The following ARRDC5 variants were observed in gnomAD, a reference collection of about 807,000 sequenced individuals.
The protein encoded by ARRDC5 is arrestin domain-containing protein 5.
In ARRDC5, 12 loss-of-function variants were observed where a neutral mutation model predicts 13.3. The observed-to-expected ratio is 0.90, with a 90% confidence interval of 0.58 to 1.46. The LOEUF (loss-of-function observed/expected upper bound fraction) is 1.46, where lower values mean the gene tolerates loss of function less well. Among genes scored for constraint, ARRDC5 ranks in the 40% most tolerant of loss-of-function variants. ARRDC5 has a pLI of 0.00. For synonymous variants in ARRDC5, 181 were observed against 173.4 expected, an observed-to-expected ratio of 1.04 and a Z score of -0.34; for missense variants, 406 against 418.7, an observed-to-expected ratio of 0.97 and a Z score of 0.26.
chr19:4,897,409 G>T (rs892493242), intron 1 of ARRDC5, among the ~76,000 whole-genome samples: 1 of 152,114 alleles, frequency 6.6e-6, no homozygotes, highest in African/African-American at 2.4e-5. Context: ...GCCCTGGGGT[G>T]GGTGACATGC....
At chr19:4,916,088 G>A in the ARRDC5 span, among the ~76,000 whole-genome samples, 2 of 152,002 alleles carry the variant, frequency 1.3e-5, no homozygotes, top group African/African-American at 2.4e-5. Context: ...GGCGAGGATC[G>A]CTTGAGGTTG....
chr19:4,898,740 C>T (rs1457001836), intron 1 of ARRDC5, among the ~76,000 whole-genome samples: 1 of 146,914 alleles, frequency 6.8e-6, no homozygotes, highest in Non-Finnish European at 1.5e-5. Flanking sequence ...GATCCTCTTG[C>T]CTCAGCGCCC....
At chr19:4,909,240 T>C in the ARRDC5 span, 77 of 514,572 alleles carry the variant, frequency 1.5e-4, no homozygotes, top group Middle Eastern at 2.0e-3. Flanking sequence ...CCAAGGCTCC[T>C]GGGGTGTCCA....
chr19:4,907,704 C>CTTT (rs59867968), upstream of ARRDC5, among the ~76,000 whole-genome samples: 8 of 47,702 alleles, frequency 1.7e-4, no homozygotes, highest in Non-Finnish European at 2.5e-4. Context: ...TTGGCCTGAT[C>CTTT]TTTTTTTTTT....
upstream of ARRDC5, among the ~76,000 whole-genome samples, chr19:4,904,110 G>A (rs2032009912): frequency 6.6e-6 from 1 of 152,084 alleles, no homozygotes; most frequent in African/African-American, 2.4e-5. Context: ...CCAAGTAGCT[G>A]GGATTACGGG....
intron 1 of ARRDC5, among the ~76,000 whole-genome samples, chr19:4,898,436 A>C (rs559637151): frequency 6.6e-6 from 1 of 152,086 alleles, no homozygotes; most frequent in Non-Finnish European, 1.5e-5. Flanking sequence ...ATCCTGGCTC[A>C]CTGCAACCTC....
intron 1 of ARRDC5, among the ~76,000 whole-genome samples, chr19:4,900,849 G>A (rs576823200): frequency 7.9e-5 from 12 of 152,156 alleles, no homozygotes; most frequent in South Asian, 6.2e-4. Flanking sequence ...GAGAAACTCC[G>A]TCTCTACTAA....
At chr19:4,900,234 G>A (rs1010199178) in intron 1 of ARRDC5, among the ~76,000 whole-genome samples, 1 of 133,680 alleles carries the variant, frequency 7.5e-6, no homozygotes, top group Admixed American at 8.5e-5. Flanking sequence ...CGCAAGCTCC[G>A]CCTCCCGGGT....
Position 4,891,097 on chromosome 19 carries a change from G to A in ARRDC5, c.936C>T (p.Cys312=), listed in dbSNP as rs367940039. 2 of 1,613,850 alleles carry A rather than the reference G, an allele frequency of 1.2e-6. No homozygotes were observed. The highest frequency in any genetic ancestry group is 3.3e-5 in the Admixed American group (2 of 59,992). The change falls in exon 3 of 3, where the codon TGC becomes TGT. Residue 312 remains cysteine, a synonymous_variant. Coordinates refer to ENST00000650722, the MANE Select transcript of ARRDC5 (RefSeq NM_001080523.3). ...GTAACACTCCGTCCTCTGACAGCTG[G>A]CAGATGGCAGAGTCCACTGAGGCGC... ...ITSASVDSAI[C]QLSEDGVLPV...
At chr19:4,897,426 T>C (rs2146251883) in intron 1 of ARRDC5, among the ~76,000 whole-genome samples, 1 of 151,400 alleles carries the variant, frequency 6.6e-6, no homozygotes. Flanking sequence ...ATGCCTGGAG[T>C]TGTCACCCGA....
chr19:4,892,527 C>A (rs1050307756), intron 2 of ARRDC5, among the ~76,000 whole-genome samples: 1 of 150,882 alleles, frequency 6.6e-6, no homozygotes, highest in African/African-American at 2.4e-5. Context: ...CCACCACACC[C>A]CAGCTTTTTT....
intron 2 of ARRDC5, 105 bp downstream of exon 2, chr19:4,896,566 T>A: frequency 1.2e-6 from 1 of 830,880 alleles, no homozygotes; most frequent in Non-Finnish European, 2.0e-6. Flanking sequence ...CCAACACCCT[T>A]CCCTTCTCCC....
At chr19:4,911,915 G>A in the ARRDC5 span, among the ~76,000 whole-genome samples, 2 of 152,154 alleles carry the variant, frequency 1.3e-5, no homozygotes, top group African/African-American at 2.4e-5. Flanking sequence ...GTTGAGCTGC[G>A]TGTACCCCAC....
In ARRDC5 at chr19:4,891,522, G is replaced by A; in HGVS notation, c.511C>T (p.Gln171Ter). Residue 171 changes from glutamine to a stop codon, truncating the protein, a stop_gained, in exon 3 of 3, where the codon CAG (glutamine) becomes TAG (stop). Transcript: ENST00000650722. LOFTEE classifies it low-confidence loss of function (END_TRUNC). Reference sequence around the variant, plus strand: ...TGGATTTGCAAACAGACAGTGCCCTGGCGGCAGCAGTTGTAGGAGACTTTC... The same window carrying A: ...TGGATTTGCAAACAGACAGTGCCCTAGCGGCAGCAGTTGTAGGAGACTTTC... Reference protein sequence around the residue: ...EEKVSYNCCRQGTVCLQIQME... With the variant: ...EEKVSYNCCR The A allele has an allele frequency of 6.2e-7, 1 of 1,613,856 alleles. No homozygotes were observed.
upstream of ARRDC5, among the ~76,000 whole-genome samples, chr19:4,907,776 G>A (rs1244855074): frequency 1.6e-5 from 2 of 128,438 alleles, no homozygotes; most frequent in African/African-American, 3.1e-5. Flanking sequence ...GCAATGGCGC[G>A]ATCTTGGCTC....
chr19:4,916,095 G>A, the ARRDC5 span, among the ~76,000 whole-genome samples: 1 of 151,968 alleles, frequency 6.6e-6, no homozygotes, highest in Admixed American at 6.6e-5. Flanking sequence ...ATCGCTTGAG[G>A]TTGGGAGTTT....
intron 1 of ARRDC5, among the ~76,000 whole-genome samples, chr19:4,898,657 G>A (rs2031811135): frequency 9.6e-6 from 1 of 104,188 alleles, no homozygotes; most frequent in African/African-American, 3.1e-5. Context: ...CCATCAGGCG[G>A]GCTTGGCCTT....
the ARRDC5 span, chr19:4,909,282 G>A: frequency 3.8e-6 from 2 of 532,760 alleles, no homozygotes; most frequent in Non-Finnish European, 6.6e-6. Context: ...CTGCCACGCA[G>A]CCCCTTTGCA....
In ARRDC5 at chr19:4,890,939, C is replaced by T; in HGVS notation, c.*107G>A. 1 of 899,058 alleles carries T rather than the reference C, an allele frequency of 1.1e-6. No individual in the cohort carries two copies. Among genetic ancestry groups the T allele is most frequent in the Non-Finnish European group, 1.7e-6 (1 of 595,012 alleles). The allele number at this position is 899,058 out of a possible 1,614,324, so 55.7% of individuals were successfully genotyped here. A position where few individuals can be genotyped will look rare whatever the true frequency, so the allele number is the denominator to read the frequency against. On this transcript the variant is annotated 3_prime_UTR_variant, in exon 3 of 3. Coordinates refer to ENST00000650722, the MANE Select transcript of ARRDC5 (RefSeq NM_001080523.3). ...CGCTAGAGCTTGGGGAGGTTGCAGA[C>T]AACCTGTTGCCCACTCCTCGACTCC...
Sources: allele counts gnomAD v4.1 joint callset (sites outside exome capture counted in the v4.1 genomes callset), GRCh38; gene constraint gnomAD v4.1.1; transcripts MANE v1.5; gene names NCBI Gene and HGNC (gene_info 2026-07-23, HGNC 2026-07-21).